Variants in ASAP2 observed in about 807,000 individuals in gnomAD.
The protein encoded by ASAP2 is arf-GAP with SH3 domain, ANK repeat and PH domain-containing protein 2.
ASAP2 carries 45 observed loss-of-function variants against 131.4 expected under a neutral mutation model. The ratio of observed to expected loss-of-function variants is 0.34; its 90% CI spans 0.27 to 0.44. ASAP2 has a LOEUF of 0.44. Among genes scored for constraint, ASAP2 ranks in the 20% least tolerant of loss-of-function variants. The pLI, the probability that ASAP2 is intolerant of heterozygous loss-of-function variation, is 1.00. For missense variants in ASAP2, 1,011 were observed against 1,297.0 expected (o/e 0.78, Z 3.39); for synonymous variants, 510 against 503.0 (o/e 1.01, Z -0.19).
rs117781451 is a variant in ASAP2 at position 9,300,485 on chromosome 2, C to T, written c.345+3040C>T. Among the ~76,000 whole-genome samples, 13 of 152,358 alleles carry T rather than the reference C, an allele frequency of 8.5e-5. No individual in the cohort carries two copies. In the East Asian group the frequency reaches 2.3e-3, roughly 27 times the overall value. ...ATTGCTCACCACCCTGTGGCTTTGC[C>T]AGTTTTTAATACTTCACATATCACT... On this transcript the variant is annotated intron_variant, in intron 3 of 27. Transcript: ENST00000281419.
At position 9,268,747 on chromosome 2, in the gene ASAP2, C is replaced by T. The variant is rs1400907101; in HGVS notation, c.127-10570C>T. On this transcript the variant is annotated intron_variant, in intron 1 of 27. Coordinates refer to ENST00000281419, the MANE Select transcript of ASAP2 (RefSeq NM_003887.3). This position sits in a 1 kb window ranked among gnomAD's most constrained non-coding sequence, Gnocchi z 4.1. ...CTGTCTTTCAGAAATGTCCCTTCTTCTCAGGCTGGCCTTTCGTCCGTGGAA... is the reference window on the plus strand; with the variant it reads ...CTGTCTTTCAGAAATGTCCCTTCTTTTCAGGCTGGCCTTTCGTCCGTGGAA... 6.6e-6 allele frequency among the ~76,000 whole-genome samples: 1 copy of T among 152,220 alleles called. No homozygotes were observed. The highest frequency in any genetic ancestry group is 1.5e-5 in the Non-Finnish European group (1 of 68,042).
intron 2 of ASAP2, among the ~76,000 whole-genome samples, chr2:9,285,977 T>C (rs62121298): frequency 0.2 from 29,771 of 152,220 alleles, 3,382 homozygotes; most frequent in Non-Finnish European, 0.27. Flanking sequence ...TTAATTGGAA[T>C]ATGATATTAA....
intron 20 of ASAP2, 58 bp downstream of exon 20, chr2:9,380,866 C>T (rs1179263834): frequency 1.3e-6 from 2 of 1,551,176 alleles, no homozygotes; most frequent in East Asian, 2.2e-5. Flanking sequence ...GGGAGCCAAG[C>T]CTGTCCTCCT....
intron 1 of ASAP2, among the ~76,000 whole-genome samples, chr2:9,258,313 G>T: frequency 6.9e-6 from 1 of 144,188 alleles, no homozygotes; most frequent in African/African-American, 2.6e-5. Context: ...GCTATTCACA[G>T]TATTGATAGT....
chr2:9,343,717 G>T (rs1472317390), intron 9 of ASAP2, among the ~76,000 whole-genome samples: 2 of 152,234 alleles, frequency 1.3e-5, no homozygotes, highest in African/African-American at 4.8e-5. Flanking sequence ...CAGATGTTGG[G>T]ATTACAGGCA....
At position 9,278,865 on chromosome 2, in the gene ASAP2, A is replaced by G. The variant is rs562536638; in HGVS notation, c.127-452A>G. On this transcript the variant is annotated intron_variant, in intron 1 of 27. Transcript: ENST00000281419. ...GATATTTGGGTTTTTCCAAATCCAG[A>G]GTGGGGTTGCCTCCACCTTGTTAGG... Among the ~76,000 whole-genome samples the G allele has an allele frequency of 1.2e-4, 19 of 152,248 alleles. No individual in the cohort carries two copies. In the East Asian group the frequency reaches 3.5e-3, roughly 28 times the overall value.
intron 1 of ASAP2, among the ~76,000 whole-genome samples, chr2:9,247,653 T>A (rs184096083): frequency 1.7e-4 from 26 of 152,214 alleles, no homozygotes; most frequent in South Asian, 4.1e-4. Context: ...AATTTGGGAA[T>A]GATACTCAGT....
chr2:9,367,772 ATG>A (rs1370353072), intron 15 of ASAP2, among the ~76,000 whole-genome samples: 1 of 152,236 alleles, frequency 6.6e-6, no homozygotes, highest in Non-Finnish European at 1.5e-5. Context: ...AAAAAAAAGA[ATG>A]TGTTAATTTA....
chr2:9,303,818 G>C (rs1240316339), intron 3 of ASAP2, among the ~76,000 whole-genome samples: 1 of 152,214 alleles, frequency 6.6e-6, no homozygotes, highest in African/African-American at 2.4e-5. Flanking sequence ...GGGGTTGGGA[G>C]GGAATGCTGT....
At chr2:9,308,208 G>T (rs1214010136) in intron 3 of ASAP2, among the ~76,000 whole-genome samples, 1 of 152,218 alleles carries the variant, frequency 6.6e-6, no homozygotes, top group Non-Finnish European at 1.5e-5. Flanking sequence ...GGCAGCATCT[G>T]CTCTGCTCGG....
At chr2:9,338,166 G>A (rs1181577189) in intron 9 of ASAP2, among the ~76,000 whole-genome samples, 1 of 152,162 alleles carries the variant, frequency 6.6e-6, no homozygotes, top group South Asian at 2.1e-4. Context: ...TCTCTCTGCT[G>A]TTTGATGTGG....
chr2:9,358,896 T>G lies in ASAP2; in HGVS notation c.1461+7T>G, dbSNP rs765031920. Reference sequence around the variant, plus strand: ...GGGAACATCTGAGCTGCTGGTAATTTTTAAATCCTTGATTTCAGATTGGAA... The same window carrying G: ...GGGAACATCTGAGCTGCTGGTAATTGTTAAATCCTTGATTTCAGATTGGAA... On this transcript the variant is annotated splice_region_variant and intron_variant, in intron 15 of 27. Coordinates refer to ENST00000281419, the MANE Select transcript of ASAP2 (RefSeq NM_003887.3). 6.3e-7 allele frequency: 1 copy of G among 1,596,332 alleles called. No homozygotes were observed. The highest frequency in any genetic ancestry group is 8.5e-7 in the Non-Finnish European group (1 of 1,171,272).
intron 9 of ASAP2, 83 bp from the exon 10 acceptor site, chr2:9,344,449 A>G (rs1671814911): frequency 3.5e-6 from 4 of 1,127,594 alleles, no homozygotes; most frequent in Non-Finnish European, 5.2e-6. Flanking sequence ...AAAACACATT[A>G]GGCATAAGTT....
chr2:9,376,359 A>G (rs1674395258), intron 17 of ASAP2, among the ~76,000 whole-genome samples: 2 of 152,260 alleles, frequency 1.3e-5, no homozygotes, highest in Non-Finnish European at 1.5e-5. Flanking sequence ...ATCCTTGTTC[A>G]TCTCTTCTCC....
At chr2:9,310,031 A>G (rs1322708092) in intron 3 of ASAP2, among the ~76,000 whole-genome samples, 2 of 152,156 alleles carry the variant, frequency 1.3e-5, no homozygotes, top group Non-Finnish European at 2.9e-5. Context: ...ACCCTTGTTA[A>G]TGCTGCAGCC....
chr2:9,376,967 C>T lies in ASAP2; in HGVS notation c.1806C>T (p.His602=). 1 of 1,614,076 alleles carries T rather than the reference C, an allele frequency of 6.2e-7. No homozygotes were observed. Among genetic ancestry groups the T allele is most frequent in the Non-Finnish European group, 8.5e-7 (1 of 1,179,968 alleles). ...AVRSVDRTSL[H]IVDFLVQNSG... is the part of the protein sequence containing the mutation. ...GATCCGTGGATCGAACCTCTCTTCA[C>T]ATTGTAGACTTTTTAGTTCAGAACA... Residue 602 remains histidine (H), a synonymous_variant, in exon 18 of 28, where the codon CAC becomes CAT. Transcript: ENST00000281419.
intron 1 of ASAP2, among the ~76,000 whole-genome samples, chr2:9,242,653 C>G (rs17634152): frequency 0.22 from 33,383 of 152,116 alleles, 3,810 homozygotes; most frequent in Non-Finnish European, 0.25. Flanking sequence ...AGTCCAGAGG[C>G]CTTTGCTTCC....
intron 3 of ASAP2, among the ~76,000 whole-genome samples, chr2:9,303,008 G>C (rs866906496): frequency 6.6e-6 from 1 of 152,098 alleles, no homozygotes; most frequent in Non-Finnish European, 1.5e-5. Flanking sequence ...GTCCATATTA[G>C]TAAGGCTTGT....
chr2:9,266,597 T>C (rs935920413), intron 1 of ASAP2, among the ~76,000 whole-genome samples: 2 of 152,148 alleles, frequency 1.3e-5, no homozygotes, highest in Non-Finnish European at 2.9e-5. Flanking sequence ...CAGGCTAGCC[T>C]TCCTCTGCAG....
Sources: gnomAD v4.1 joint callset for allele counts (sites outside exome capture counted in the v4.1 genomes callset) on GRCh38, gnomAD v4.1.1 for gene constraint, Gnocchi (gnomAD v3.1) non-coding constraint, MANE v1.5 for transcripts, NCBI Gene and HGNC (gene_info 2026-07-23, HGNC 2026-07-21) for gene names.